The following ZNF385D variants were observed in gnomAD, a reference collection of about 807,000 sequenced individuals.
ZNF385D encodes the protein zinc finger protein 659.
A neutral mutation model predicts 35.8 loss-of-function variants in ZNF385D; 15 were observed. The ratio of observed to expected loss-of-function variants is 0.42; its 90% CI spans 0.28 to 0.64. The LOEUF is 0.64. Ranked by LOEUF, ZNF385D falls within the 30% of genes least tolerant of loss-of-function variation. The probability of loss-of-function intolerance (pLI) is 0.23; values close to 1 mark genes in which losing one functional copy is unlikely to be tolerated. For missense variants in ZNF385D, 474 were observed against 494.6 expected, an observed-to-expected ratio of 0.96 and a Z score of 0.39; for synonymous variants, 212 against 186.8, an observed-to-expected ratio of 1.13 and a Z score of -1.10.
chr3:21,508,294 C>T (rs1295982315), intron 4 of ZNF385D, among the ~76,000 whole-genome samples: 1 of 152,076 alleles, frequency 6.6e-6, no homozygotes, highest in African/African-American at 2.4e-5. Flanking sequence ...TCTGAAAGGA[C>T]AGATCCTGGA....
At chr3:22,317,791 T>A (rs1478363697) in intron 2 of ZNF385D, among the ~76,000 whole-genome samples, 1 of 152,126 alleles carries the variant, frequency 6.6e-6, no homozygotes, top group Non-Finnish European at 1.5e-5. Context: ...CTGGGCATGG[T>A]GACTCACTCA....
At chr3:21,699,110 T>G (rs2067577551) in intron 1 of ZNF385D, among the ~76,000 whole-genome samples, 2 of 152,112 alleles carry the variant, frequency 1.3e-5, no homozygotes, top group African/African-American at 4.8e-5. Context: ...AATGATAGAC[T>G]GGATAAAGAA....
chr3:22,284,481 C>T (rs1011517151), intron 2 of ZNF385D, among the ~76,000 whole-genome samples: 8 of 152,002 alleles, frequency 5.3e-5, no homozygotes, highest in Middle Eastern at 3.2e-3. Flanking sequence ...TGAGCCACTG[C>T]ACCTGTCCCC....
intron 3 of ZNF385D, among the ~76,000 whole-genome samples, chr3:21,989,274 A>G (rs886967102): frequency 1.3e-5 from 2 of 152,172 alleles, no homozygotes; most frequent in African/African-American, 2.4e-5. Context: ...TCTTACAACT[A>G]CAATTTTTTA....
intron 3 of ZNF385D, among the ~76,000 whole-genome samples, chr3:22,137,805 G>A (rs2125697712): frequency 6.6e-6 from 1 of 152,008 alleles, no homozygotes; most frequent in East Asian, 1.9e-4. Context: ...ATATAGTGTT[G>A]GAAGCTCTGG....
chr3:22,086,710 T>G, intron 3 of ZNF385D, among the ~76,000 whole-genome samples: 1 of 152,050 alleles, frequency 6.6e-6, no homozygotes, highest in Non-Finnish European at 1.5e-5. Context: ...TAGACTGGAT[T>G]AAGAAAATAT....
At chr3:21,488,566 C>G (rs973332378) in intron 4 of ZNF385D, among the ~76,000 whole-genome samples, 1 of 152,132 alleles carries the variant, frequency 6.6e-6, no homozygotes, top group South Asian at 2.1e-4. Flanking sequence ...TTTTACTACT[C>G]TCTCATGAAA....
At chr3:22,163,609 G>T (rs1706114335) in intron 3 of ZNF385D, among the ~76,000 whole-genome samples, 1 of 152,060 alleles carries the variant, frequency 6.6e-6, no homozygotes, top group Non-Finnish European at 1.5e-5. Flanking sequence ...ATCAAATAAT[G>T]ATATTTTACC....
chr3:21,511,439 A>G (rs1187905397), intron 3 of ZNF385D, among the ~76,000 whole-genome samples: 10 of 152,158 alleles, frequency 6.6e-5, no homozygotes, highest in African/African-American at 2.4e-4. Flanking sequence ...TCTTTCTACA[A>G]TGTGTCTTAT....
chr3:22,176,468 G>C (rs759071080), intron 2 of ZNF385D, among the ~76,000 whole-genome samples: 1 of 152,096 alleles, frequency 6.6e-6, no homozygotes, highest in Admixed American at 6.6e-5. Flanking sequence ...GACTACATAA[G>C]GCAAATGAAG....
chr3:21,609,145 C>T (rs938141053), intron 2 of ZNF385D, among the ~76,000 whole-genome samples: 3 of 152,122 alleles, frequency 2.0e-5, no homozygotes, highest in African/African-American at 7.2e-5. Context: ...TAGGCATTTT[C>T]AGAAGAACAC....
rs796610256 is a variant in ZNF385D at position 21,687,155 on chromosome 3, C to T, written c.23-22127G>A. 4.1e-4 allele frequency among the ~76,000 whole-genome samples: 62 copies of T among 152,238 alleles called. 1 individual carries two copies. Among genetic ancestry groups the T allele is most frequent in the African/African-American group, 1.4e-3 (59 of 41,544 alleles). The stretch of plus-strand genomic sequence containing the variant: ...GGTTATACAAACGGAGAACCCAGAT[C>T]CACAGTCAACAGCCAGCAGCAACCT... On this transcript the variant is annotated intron_variant, in intron 1 of 7. Coordinates refer to ENST00000281523, the MANE Select transcript of ZNF385D (RefSeq NM_024697.3).
At chr3:21,732,497 A>G (rs1398460461) in intron 1 of ZNF385D, among the ~76,000 whole-genome samples, 2 of 152,160 alleles carry the variant, frequency 1.3e-5, no homozygotes, top group East Asian at 3.9e-4. Context: ...AGCATTTTGT[A>G]TTCTCAGCAG....
chr3:21,870,312 A>C (rs1012622011), intron 3 of ZNF385D, among the ~76,000 whole-genome samples: 3 of 152,140 alleles, frequency 2.0e-5, no homozygotes, highest in Non-Finnish European at 4.4e-5. Flanking sequence ...GTTGTTCCCC[A>C]ACATGTCTTT....
intron 3 of ZNF385D, among the ~76,000 whole-genome samples, chr3:21,774,379 T>C (rs780104170): frequency 3.3e-5 from 5 of 151,816 alleles, no homozygotes; most frequent in Non-Finnish European, 7.4e-5. Flanking sequence ...ATGGCACACA[T>C]TGACCTATGT....
At chr3:21,600,018 A>G (rs957415318) in intron 2 of ZNF385D, among the ~76,000 whole-genome samples, 2 of 152,182 alleles carry the variant, frequency 1.3e-5, no homozygotes, top group Admixed American at 1.3e-4. Flanking sequence ...GAAAACCAAG[A>G]TGGCCACGAG....
At chr3:22,195,477 G>A (rs367881702) in intron 2 of ZNF385D, among the ~76,000 whole-genome samples, 34 of 151,776 alleles carry the variant, frequency 2.2e-4, no homozygotes, top group Non-Finnish European at 3.4e-4. Flanking sequence ...TGCTTTTTAT[G>A]TCATATATAA....
intron 2 of ZNF385D, among the ~76,000 whole-genome samples, chr3:22,312,077 T>A (rs960348137): frequency 6.6e-6 from 1 of 152,128 alleles, no homozygotes; most frequent in African/African-American, 2.4e-5. Flanking sequence ...ACCTACTCAC[T>A]TTCTAATAAC....
intron 3 of ZNF385D, among the ~76,000 whole-genome samples, chr3:21,904,104 A>T (rs1267066794): frequency 6.6e-6 from 1 of 151,954 alleles, no homozygotes; most frequent in Non-Finnish European, 1.5e-5. Context: ...GGAGCTTGAG[A>T]CCATCCTGGA....
Sources: gnomAD v4.1 joint callset for allele counts (sites outside exome capture counted in the v4.1 genomes callset) on GRCh38, gnomAD v4.1.1 for gene constraint, MANE v1.5 for transcripts, NCBI Gene and HGNC (gene_info 2026-07-23, HGNC 2026-07-21) for gene names.